MOSPD3: variants seen among roughly 807,000 people sequenced by gnomAD.
MOSPD3 encodes motile sperm domain containing 3.
MOSPD3 carries 20 observed loss-of-function variants against 23.3 expected under a neutral mutation model. The observed-to-expected ratio is 0.86, with a 90% CI of 0.61 to 1.25. MOSPD3 has a LOEUF of 1.25. Ranked by LOEUF, MOSPD3 falls within the 50% of genes most tolerant of loss-of-function variation. The pLI is 0.00. For missense variants in MOSPD3, 307 were observed against 315.7 expected, an observed-to-expected ratio of 0.97 and a Z score of 0.21; for synonymous variants, 136 against 135.2, an observed-to-expected ratio of 1.01 and a Z score of -0.04.
chr7:100,615,281 C>T lies in MOSPD3; in HGVS notation c.*98C>T, dbSNP rs766500444. 5.7e-5 allele frequency: 64 copies of T among 1,130,174 alleles called. No individual in the cohort carries two copies. The highest frequency in any genetic ancestry group is 8.0e-5 in the Non-Finnish European group (63 of 789,840). 70.0% of individuals were successfully genotyped at this position (1,130,174 alleles called of 1,614,324 possible). ...ACCTTACCTTGCCTCCTACCCTCTT[C>T]TCTTTCCTGCCTACTCCCCACTCCT... is the stretch of plus-strand genomic sequence containing the variant. On this transcript the variant is annotated 3_prime_UTR_variant, in exon 5 of 5. Transcript: ENST00000393950.
At position 100,612,581 on chromosome 7, in the gene MOSPD3, G is replaced by T; in HGVS notation, c.-211G>T. 1 of 473,544 alleles carries T rather than the reference G, an allele frequency of 2.1e-6. No homozygotes were observed. Among genetic ancestry groups the T allele is most frequent in the South Asian group, 3.7e-5 (1 of 27,252 alleles). 29.3% of individuals were successfully genotyped at this position (473,544 alleles called of 1,614,324 possible). On this transcript the variant is annotated 5_prime_UTR_variant, in exon 1 of 5. Coordinates refer to ENST00000393950, the MANE Select transcript of MOSPD3 (RefSeq NM_023948.5). ...GGCTCGGCGGGTCCGAAGGAACCTG[G>T]GGCAGAGCTGGAAGAGGAAAGGTCT...
intron 4 of MOSPD3, 46 bp from the exon 5 acceptor site, chr7:100,615,106 C>T (rs1485668780): frequency 8.7e-6 from 14 of 1,613,968 alleles, no homozygotes; most frequent in African/African-American, 1.3e-5. Context: ...TAACAGAGCC[C>T]CAGGGCTGCC....
intron 3 of MOSPD3, 154 bp downstream of exon 3, chr7:100,613,860 AG>A: frequency 2.8e-6 from 2 of 725,824 alleles, no homozygotes. Context: ...ATATCAGGTG[AG>A]GGGGAAAAGA....
At chr7:100,612,204 C>CTGACCACAAGCTGACTGGCAGGTGCTT, upstream of MOSPD3, 1 of 152,600 alleles carries the variant, frequency 6.6e-6, no homozygotes, top group South Asian at 2.0e-4. Flanking sequence ...CAACATTAAT[C>CTGACCACAAGCTGACTGGCAGGTGCTT]TGACCACAAG....
At position 100,615,283 on chromosome 7, in the gene MOSPD3, C is replaced by G. The variant is rs1802967667; in HGVS notation, c.*100C>G. ...CTTACCTTGCCTCCTACCCTCTTCT[C>G]TTTCCTGCCTACTCCCCACTCCTCC... On this transcript the variant is annotated 3_prime_UTR_variant, in exon 5 of 5. Transcript: ENST00000393950. 1 of 1,092,392 alleles carries G rather than the reference C, an allele frequency of 9.2e-7. No individual in the cohort carries two copies. The highest frequency in any genetic ancestry group is 1.3e-6 in the Non-Finnish European group (1 of 758,806). 67.7% of individuals were successfully genotyped at this position (1,092,392 alleles called of 1,614,324 possible). A position where few individuals can be genotyped will look rare whatever the true frequency, so the allele number is the denominator to read the frequency against.
Position 100,612,562 on chromosome 7 carries a change from G to C in MOSPD3, c.-230G>C. ...GGCGTGGCCGTCGAGGTGGGGCTCG[G>C]CGGGTCCGAAGGAACCTGGGGCAGA... On this transcript the variant is annotated 5_prime_UTR_variant, in exon 1 of 5. Coordinates refer to ENST00000393950, the MANE Select transcript of MOSPD3 (RefSeq NM_023948.5). 1 of 439,784 alleles carries C rather than the reference G, an allele frequency of 2.3e-6. No individual in the cohort carries two copies. The highest frequency in any genetic ancestry group is 4.0e-6 in the Non-Finnish European group (1 of 248,384). 27.2% of individuals were successfully genotyped at this position (439,784 alleles called of 1,614,324 possible).
chr7:100,613,887 G>C (rs967520909), intron 3 of MOSPD3, 181 bp downstream of exon 3: 2 of 637,372 alleles, frequency 3.1e-6, no homozygotes, highest in Admixed American at 5.9e-5. Context: ...AGCTTCCCTG[G>C]TTTCTGACTT....
Position 100,613,556 on chromosome 7 carries a change from G to A in MOSPD3, c.361G>A (p.Ala121Thr), listed in dbSNP as rs778878084. Reference protein sequence around the residue: ...RFRIELSEEGAEGRVVGRKDI... With the variant: ...RFRIELSEEGTEGRVVGRKDI... ...CCGCATTGAGCTGTCTGAGGAAGGA[G>A]CTGAGGGCCGAGTGGTGGGACGCAA... Residue 121 changes from alanine to threonine, a missense_variant, in exon 3 of 5, where the codon GCT becomes ACT. By Grantham distance (58) the Ala-to-Thr change is moderately conservative. Coordinates refer to ENST00000393950, the MANE Select transcript of MOSPD3 (RefSeq NM_023948.5). 1.2e-6 allele frequency: 2 copies of A among 1,614,198 alleles called. No individual in the cohort carries two copies. The highest frequency in any genetic ancestry group is 1.7e-6 in the Non-Finnish European group (2 of 1,180,032).
intron 3 of MOSPD3, among the ~76,000 whole-genome samples, chr7:100,614,508 C>A (rs1402107371): frequency 6.6e-6 from 1 of 151,426 alleles, no homozygotes; most frequent in Non-Finnish European, 1.5e-5. Flanking sequence ...GTGACTCACA[C>A]CTATAATCCC....
rs750437756 is a variant in MOSPD3 at position 100,613,163 on chromosome 7, G to C, written c.206-31G>C. ...GGGGACTTAAATGACCCACATGGCA[G>C]GGCTTGTCTGTGTGTGTCTCTATCC... On this transcript the variant is annotated intron_variant, in intron 1 of 4. Coordinates refer to ENST00000393950, the MANE Select transcript of MOSPD3 (RefSeq NM_023948.5). 3.7e-6 allele frequency: 6 copies of C among 1,611,682 alleles called. No individual in the cohort carries two copies. In the East Asian group the frequency reaches 1.1e-4, roughly 30 times the overall value.
chr7:100,613,387 C>T, intron 2 of MOSPD3, 90 bp from the exon 3 acceptor site: 2 of 1,555,214 alleles, frequency 1.3e-6, no homozygotes, highest in Non-Finnish European at 1.8e-6. Context: ...GCCTGTGCCC[C>T]TAAGGGAGAG....
Position 100,613,598 on chromosome 7 carries a change from C to T in MOSPD3, c.403C>T (p.Leu135=). ...GGGACGCAAGGACATTACCTCCATT[C>T]TGAGAGCCCCAGCGTACCCCCTTGA... ...VVGRKDITSI[L]RAPAYPLELQ... Residue 135 remains leucine (L), a synonymous_variant, in exon 3 of 5, where the codon CTG becomes TTG. Transcript: ENST00000393950. 3.1e-6 allele frequency: 5 copies of T among 1,614,188 alleles called. No individual in the cohort carries two copies. Among genetic ancestry groups the T allele is most frequent in the Non-Finnish European group, 3.4e-6 (4 of 1,180,034 alleles).
Position 100,615,194 on chromosome 7 carries a change from C to T in MOSPD3, c.*11C>T, listed in dbSNP as rs1461718598. On this transcript the variant is annotated 3_prime_UTR_variant, in exon 5 of 5. Coordinates refer to ENST00000393950, the MANE Select transcript of MOSPD3 (RefSeq NM_023948.5). ...TTCCTCCGGACCTGAGCTCCGTGCT[C>T]AACCCCCAGCCCACCCCACCCTCCC... 1 of 1,613,576 alleles carries T rather than the reference C, an allele frequency of 6.2e-7. No individual in the cohort carries two copies. The highest frequency in any genetic ancestry group is 1.7e-5 in the Admixed American group (1 of 59,978).
At chr7:100,613,123 G>T in intron 1 of MOSPD3, 71 bp from the exon 2 acceptor site, 1 of 1,580,422 alleles carries the variant, frequency 6.3e-7, no homozygotes, top group Non-Finnish European at 8.7e-7. Context: ...TCCAGCCTCC[G>T]GGGCAGAAGG....
In MOSPD3 at chr7:100,612,973, C is replaced by G; in HGVS notation, c.182C>G (p.Thr61Arg). 6.2e-7 allele frequency: 1 copy of G among 1,614,072 alleles called. No individual in the cohort carries two copies. The highest frequency in any genetic ancestry group is 8.5e-7 in the Non-Finnish European group (1 of 1,180,014). The change falls in exon 1 of 5, where the codon ACA (threonine) becomes AGA (arginine). Residue 61 changes from threonine to arginine, a missense_variant. Physicochemically the swap from Thr to Arg is moderately conservative, Grantham distance 71. Coordinates refer to ENST00000393950, the MANE Select transcript of MOSPD3 (RefSeq NM_023948.5). ...PRQLLTLYNP[T>R]GTALRFRVLC... is the part of the protein sequence containing the mutation. ...CAGCTGCTGACCCTCTATAACCCCA[C>G]AGGAACTGCGCTTCGCTTCCGAGGT...
In MOSPD3 at chr7:100,613,512, A is replaced by T. The variant is rs753531031; in HGVS notation, c.317A>T (p.Tyr106Phe). Residue 106 changes from tyrosine to phenylalanine, a missense_variant, in exon 3 of 5, where the codon TAT becomes TTT. By Grantham distance (22) the Tyr-to-Phe change is conservative (BLOSUM62 3). Transcript: ENST00000393950. ...CATGTGGCACCCATTCCCAGCCACT[A>T]TGATGTCCAGGACCGCTTCCGCATT... ...IRHVAPIPSH[Y>F]DVQDRFRIEL... 3 of 1,614,162 alleles carry T rather than the reference A, an allele frequency of 1.9e-6. No homozygotes were observed. In the South Asian group the frequency reaches 3.3e-5, roughly 18 times the overall value.
At position 100,613,935 on chromosome 7, in the gene MOSPD3, C is replaced by T. The variant is rs986170316; in HGVS notation, c.511+229C>T. The stretch of plus-strand genomic sequence containing the variant: ...AAAAGTTCTTCCTTGACTGTAACCG[C>T]AGTACTTCCTATCATGTGGTAGCTC... On this transcript the variant is annotated intron_variant, in intron 3 of 4. Transcript: ENST00000393950. 2.2e-5 allele frequency: 13 copies of T among 588,008 alleles called. No individual in the cohort carries two copies. In the Admixed American group the frequency reaches 3.3e-4, roughly 15 times the overall value. The allele number at this position is 588,008 out of a possible 1,614,324, so 36.4% of individuals were successfully genotyped here.
chr7:100,613,349 C>T (rs971676044), intron 2 of MOSPD3, 80 bp downstream of exon 2: 10 of 1,546,428 alleles, frequency 6.5e-6, no homozygotes, highest in South Asian at 1.1e-5. Context: ...GAGACCTTGC[C>T]CCCTTTAACC....
rs778895306 is a variant in MOSPD3 at position 100,612,981 on chromosome 7, G to A, written c.190G>A (p.Ala64Thr). 4.3e-6 allele frequency: 7 copies of A among 1,614,106 alleles called. No individual in the cohort carries two copies. The highest frequency in any genetic ancestry group is 5.1e-6 in the Non-Finnish European group (6 of 1,180,014). The change falls in exon 1 of 5, where the codon GCG becomes ACG. Residue 64 changes from alanine to threonine, a missense_variant. Physicochemically the swap from Ala to Thr is moderately conservative, Grantham distance 58. Coordinates refer to ENST00000393950, the MANE Select transcript of MOSPD3 (RefSeq NM_023948.5). ...LLTLYNPTGT[A>T]LRFRVLCTAP... ...GACCCTCTATAACCCCACAGGAACTGCGCTTCGCTTCCGAGGTAAAGGGAT... is the reference window on the plus strand; with the variant it reads ...GACCCTCTATAACCCCACAGGAACTACGCTTCGCTTCCGAGGTAAAGGGAT...
Sources: gnomAD v4.1 joint callset for allele counts (sites outside exome capture counted in the v4.1 genomes callset) on GRCh38, gnomAD v4.1.1 for gene constraint, MANE v1.5 for transcripts, NCBI Gene and HGNC (gene_info 2026-07-23, HGNC 2026-07-21) for gene names.